Variants in HPS3 observed in about 807,000 individuals in gnomAD.
HPS3 encodes BLOC-2 complex member HPS3.
HPS3 carries 79 observed loss-of-function variants against 110.9 expected under a neutral mutation model. The ratio of observed to expected loss-of-function variants is 0.71; its 90% CI spans 0.59 to 0.86. The LOEUF (loss-of-function observed/expected upper bound fraction) is 0.86. Ranked by LOEUF, HPS3 falls within the 40% of genes least tolerant of loss-of-function variation. The pLI is 0.00. For synonymous variants in HPS3, 428 were observed against 451.0 expected, an observed-to-expected ratio of 0.95 and a Z score of 0.65; for missense variants, 1,197 against 1,206.2, an observed-to-expected ratio of 0.99 and a Z score of 0.11.
chr3:149,171,343 G>T (rs532296357), intron 16 of HPS3, among the ~76,000 whole-genome samples: 2 of 152,080 alleles, frequency 1.3e-5, no homozygotes, highest in Non-Finnish European at 2.9e-5. Flanking sequence ...GTAAATGGTC[G>T]TGAAAACAGA....
chr3:149,154,312 T>C (rs1723307439), intron 7 of HPS3, among the ~76,000 whole-genome samples: 1 of 152,202 alleles, frequency 6.6e-6, no homozygotes, highest in African/African-American at 2.4e-5. Flanking sequence ...GTGAAGCATA[T>C]AGTGTATTTC....
intron 8 of HPS3, 46 bp from the exon 9 acceptor site, chr3:149,157,304 T>G (rs1259983617): frequency 2.6e-6 from 4 of 1,532,450 alleles, no homozygotes; most frequent in South Asian, 1.1e-5. Flanking sequence ...CAGGAACTTT[T>G]GAGAGTCTCT....
At chr3:149,159,269 G>C (rs1723646820) in intron 10 of HPS3, among the ~76,000 whole-genome samples, 1 of 152,082 alleles carries the variant, frequency 6.6e-6, no homozygotes, top group Non-Finnish European at 1.5e-5. Context: ...CATTATTAAG[G>C]ATTATTTTTA....
chr3:149,172,317 A>AACACACAC lies in HPS3; in HGVS notation c.*95_*96insACACACAC. ...AGTAGAGGAGTTTTTTATTTTATAT[A>AACACACAC]TCACACACACACACACACACACACA... On this transcript the variant is annotated 3_prime_UTR_variant, in exon 17 of 17. Coordinates refer to ENST00000296051, the MANE Select transcript of HPS3 (RefSeq NM_032383.5). 3.1e-6 allele frequency: 2 copies of AACACACAC among 640,902 alleles called. No homozygotes were observed. The highest frequency in any genetic ancestry group is 5.2e-6 in the Non-Finnish European group (2 of 381,786). The allele number at this position is 640,902 out of a possible 1,614,324, so 39.7% of individuals were successfully genotyped here.
chr3:149,136,289 G>A (rs1436079537), intron 1 of HPS3, among the ~76,000 whole-genome samples: 1 of 152,072 alleles, frequency 6.6e-6, no homozygotes, highest in Non-Finnish European at 1.5e-5. Context: ...GGCTGAGGTG[G>A]AAGGATCACT....
chr3:149,162,162 T>C lies in HPS3; in HGVS notation c.2121T>C (p.Cys707=), dbSNP rs1723922588. The C allele has an allele frequency of 6.2e-7, 1 of 1,613,794 alleles. No homozygotes were observed. The highest frequency in any genetic ancestry group is 1.7e-5 in the Admixed American group (1 of 59,954). Residue 707 remains cysteine (C), a synonymous_variant, in exon 12 of 17, where the codon TGT becomes TGC. Transcript: ENST00000296051. ...MKSHSEMKLV[C]GFILEPRLLI... is the part of the protein sequence containing the mutation. Reference sequence around the variant, plus strand: ...CTTATCTGAAGATGAAGTTGGTATGTGGCTTCATTCTGGAACCTCGGCTGT... The same window carrying C: ...CTTATCTGAAGATGAAGTTGGTATGCGGCTTCATTCTGGAACCTCGGCTGT...
chr3:149,134,574 A>T (rs1721969692), intron 1 of HPS3, among the ~76,000 whole-genome samples: 2 of 152,194 alleles, frequency 1.3e-5, no homozygotes, highest in Admixed American at 1.3e-4. Context: ...GGGAGTTTTT[A>T]AAAATCTCTA....
rs191438036 is a variant in HPS3 at position 149,159,331 on chromosome 3, G to A, written c.1872+485G>A. 2.4e-4 allele frequency among the ~76,000 whole-genome samples: 37 copies of A among 152,292 alleles called. No homozygotes were observed. In the East Asian group the frequency reaches 6.2e-3, roughly 25 times the overall value. Reference sequence around the variant, plus strand: ...TAATTCCAACACTTTGGGAGGTTGAGGTGGGAGGATCACTTGAAGCCAGAA... The same window carrying A: ...TAATTCCAACACTTTGGGAGGTTGAAGTGGGAGGATCACTTGAAGCCAGAA... On this transcript the variant is annotated intron_variant, in intron 10 of 16. Transcript: ENST00000296051.
intron 2 of HPS3, among the ~76,000 whole-genome samples, chr3:149,140,708 A>T (rs568260386): frequency 2.0e-5 from 3 of 152,200 alleles, no homozygotes; most frequent in Non-Finnish European, 4.4e-5. Context: ...GTAATGGAAC[A>T]ACCACTGCTA....
chr3:149,151,604 A>AC (rs1559915956), intron 6 of HPS3, among the ~76,000 whole-genome samples: 1 of 147,268 alleles, frequency 6.8e-6, no homozygotes. Flanking sequence ...AAAAAAAAAA[A>AC]AAAAAAAAAA....
At chr3:149,162,603 A>T (rs536073694) in intron 12 of HPS3, 87 bp from the exon 13 acceptor site, 2 of 1,366,434 alleles carry the variant, frequency 1.5e-6, no homozygotes, top group South Asian at 1.2e-5. Flanking sequence ...TGCGTGGCCC[A>T]TGTGATGCTG....
chr3:149,164,663 G>A (rs1188287477), intron 14 of HPS3, among the ~76,000 whole-genome samples: 2 of 152,196 alleles, frequency 1.3e-5, no homozygotes, highest in African/African-American at 2.4e-5. Context: ...AGAATTCTGA[G>A]TTTCAAGTCA....
intron 7 of HPS3, chr3:149,154,271 A>G (rs1189513136): frequency 6.6e-6 from 1 of 152,632 alleles, no homozygotes; most frequent in Non-Finnish European, 1.5e-5. Context: ...CTCTAAGGAA[A>G]ATTTAATCAA....
intron 8 of HPS3, 31 bp from the exon 9 acceptor site, chr3:149,157,319 A>G (rs749419630): frequency 2.5e-6 from 4 of 1,589,802 alleles, no homozygotes; most frequent in Non-Finnish European, 3.5e-6. Context: ...GTCTCTCTTC[A>G]GCAACATTAG....
intron 6 of HPS3, among the ~76,000 whole-genome samples, chr3:149,153,040 C>T (rs1723230198): frequency 6.6e-6 from 1 of 152,208 alleles, no homozygotes; most frequent in Non-Finnish European, 1.5e-5. Context: ...ATGTACTCTA[C>T]AAGCAGTAGA....
chr3:149,172,287 G>T lies in HPS3; in HGVS notation c.*65G>T. 7.9e-6 allele frequency: 10 copies of T among 1,266,428 alleles called. No individual in the cohort carries two copies. Among genetic ancestry groups the T allele is most frequent in the East Asian group, 2.7e-5 (1 of 36,876 alleles). The allele number at this position is 1,266,428 out of a possible 1,614,324, so 78.4% of individuals were successfully genotyped here. A position where few individuals can be genotyped will look rare whatever the true frequency, so the allele number is the denominator to read the frequency against. Reference sequence around the variant, plus strand: ...GAATTTCTAAAAATTGAATGCCAAAGTACAAGTAGAGGAGTTTTTTATTTT... The same window carrying T: ...GAATTTCTAAAAATTGAATGCCAAATTACAAGTAGAGGAGTTTTTTATTTT... On this transcript the variant is annotated 3_prime_UTR_variant, in exon 17 of 17. Coordinates refer to ENST00000296051, the MANE Select transcript of HPS3 (RefSeq NM_032383.5).
intron 16 of HPS3, among the ~76,000 whole-genome samples, chr3:149,169,481 G>A (rs953411103): frequency 6.6e-6 from 1 of 152,214 alleles, no homozygotes; most frequent in African/African-American, 2.4e-5. Context: ...ACATGCTTAG[G>A]AGTTTGGATT....
intron 11 of HPS3, among the ~76,000 whole-genome samples, chr3:149,160,481 G>A (rs1319014351): frequency 6.6e-6 from 1 of 152,224 alleles, no homozygotes; most frequent in African/African-American, 2.4e-5. Context: ...GACAGCAGTG[G>A]ATATACAAAG....
intron 8 of HPS3, among the ~76,000 whole-genome samples, chr3:149,155,612 C>T (rs1312097379): frequency 6.6e-6 from 1 of 152,072 alleles, no homozygotes; most frequent in East Asian, 1.9e-4. Flanking sequence ...GCACATTGTC[C>T]CAGGGCACCA....
Sources: allele counts gnomAD v4.1 joint callset (sites outside exome capture counted in the v4.1 genomes callset), GRCh38; gene constraint gnomAD v4.1.1; transcripts MANE v1.5; gene names NCBI Gene and HGNC (gene_info 2026-07-23, HGNC 2026-07-21).